The following KIRREL1 variants were observed in gnomAD, a reference collection of about 807,000 sequenced individuals.
KIRREL1 encodes the protein kirre like nephrin family adhesion molecule 1.
A neutral mutation model predicts 83.3 loss-of-function variants in KIRREL1; 25 were observed. That is an observed-to-expected ratio of 0.30 (90% CI 0.22 to 0.42). The LOEUF (loss-of-function observed/expected upper bound fraction) is 0.42, where lower values mean the gene tolerates loss of function less well. KIRREL1 is among the 10% of genes least tolerant of loss of function. The probability of loss-of-function intolerance (pLI) is 1.00; values close to 1 mark genes in which losing one functional copy is unlikely to be tolerated. For synonymous variants in KIRREL1, 388 were observed against 410.4 expected (o/e 0.95, Z 0.66); for missense variants, 812 against 1,032.3 (o/e 0.79, Z 2.92).
rs1401872752 is a variant in KIRREL1, at chr1:158,094,355, G to A, written c.1762G>A (p.Asp588Asn). ...DVDLKQDLRC[D>N]TIDTREEYEM... ...GGATCTGAAGCAGGACCTGCGCTGC[G>A]ACACCATCGACACCCGGGAGGAGTA... Residue 588 changes from aspartate to asparagine, a missense_variant, in exon 14 of 15, where the codon GAC becomes AAC. Physicochemically the swap from Asp to Asn is conservative, Grantham distance 23. Transcript: ENST00000359209. This position sits in a 1 kb window ranked among gnomAD's most constrained non-coding sequence, Gnocchi z 4.6. 2.4e-5 allele frequency: 38 copies of A among 1,612,302 alleles called. No homozygotes were observed. The highest frequency in any genetic ancestry group is 2.8e-5 in the Non-Finnish European group (33 of 1,179,530).
At chr1:158,062,430 C>T (rs1287321241) in intron 1 of KIRREL1, among the ~76,000 whole-genome samples, 2 of 152,196 alleles carry the variant, frequency 1.3e-5, no homozygotes, top group East Asian at 1.9e-4. Flanking sequence ...TAGAATGAAC[C>T]GAGTTAGATG....
chr1:158,088,532 T>C (rs1000823399), intron 8 of KIRREL1, 78 bp downstream of exon 8: 1 of 1,243,220 alleles, frequency 8.0e-7, no homozygotes, highest in Non-Finnish European at 1.1e-6. Context: ...TCGCCCAGGC[T>C]GGAGTGCAGT....
chr1:158,086,640 G>T lies in KIRREL1; in HGVS notation c.555G>T (p.Leu185=). The change falls in exon 5 of 15, where the codon CTG becomes CTT. Residue 185 remains leucine (L), a synonymous_variant. Coordinates refer to ENST00000359209, the MANE Select transcript of KIRREL1 (RefSeq NM_018240.7). The stretch of plus-strand genomic sequence containing the variant: ...AGAGGGAGACCACCGTGAGCCAACT[G>T]CTTATTAACCCCACGGACCTGGACA... The part of the protein sequence containing the change: ...DGKRETTVSQ[L]LINPTDLDIG... 1 of 1,552,024 alleles carries T rather than the reference G, an allele frequency of 6.4e-7. No individual in the cohort carries two copies. Among genetic ancestry groups the T allele is most frequent in the East Asian group, 2.4e-5 (1 of 40,902 alleles).
intron 1 of KIRREL1, among the ~76,000 whole-genome samples, chr1:158,028,755 C>G (rs193148949): frequency 2.3e-3 from 355 of 152,238 alleles, no homozygotes; most frequent in African/African-American, 8.3e-3. Context: ...TCACTACAGT[C>G]TTGTGAAGTA....
intron 1 of KIRREL1, among the ~76,000 whole-genome samples, chr1:158,072,429 C>T (rs1185120680): frequency 6.6e-6 from 1 of 152,216 alleles, no homozygotes. Context: ...ACAGTCCAGA[C>T]TCCTGGAGTT....
chr1:158,041,473 C>A (rs982290891), intron 1 of KIRREL1, among the ~76,000 whole-genome samples: 29 of 152,154 alleles, frequency 1.9e-4, no homozygotes, highest in African/African-American at 6.0e-4. Context: ...AGGAAGGGAT[C>A]CAGGCTCATA....
intron 1 of KIRREL1, among the ~76,000 whole-genome samples, chr1:158,010,621 G>C (rs1176662545): frequency 1.3e-5 from 2 of 152,154 alleles, no homozygotes; most frequent in African/African-American, 2.4e-5. Context: ...GCTGAATCTT[G>C]TGGGAACATA....
At chr1:158,039,494 C>T (rs1660568214) in intron 1 of KIRREL1, among the ~76,000 whole-genome samples, 1 of 152,132 alleles carries the variant, frequency 6.6e-6, no homozygotes, top group South Asian at 2.1e-4. Context: ...GCAGCAAAGG[C>T]TGAGCGGGAT....
At chr1:158,035,766 A>T (rs1660459664) in intron 1 of KIRREL1, among the ~76,000 whole-genome samples, 2 of 152,160 alleles carry the variant, frequency 1.3e-5, no homozygotes, top group South Asian at 2.1e-4. Flanking sequence ...TGCCCCTGCT[A>T]TGTGGAGACC....
At chr1:158,034,281 A>AG (rs750158585) in intron 1 of KIRREL1, among the ~76,000 whole-genome samples, 10 of 131,328 alleles carry the variant, frequency 7.6e-5, no homozygotes, top group Admixed American at 1.5e-4. Context: ...AAAAAAAAAA[A>AG]AAAAAGAAAA....
intron 1 of KIRREL1, among the ~76,000 whole-genome samples, chr1:157,997,394 T>G (rs912525360): frequency 6.6e-6 from 1 of 152,090 alleles, no homozygotes; most frequent in Non-Finnish European, 1.5e-5. Context: ...TATCTTGGCT[T>G]TGAGGTGAGA....
intron 2 of KIRREL1, among the ~76,000 whole-genome samples, chr1:158,077,030 T>C (rs1661698999): frequency 1.3e-5 from 2 of 152,226 alleles, no homozygotes; most frequent in South Asian, 4.1e-4. Context: ...CGGTCTGCCT[T>C]AGAAGTGCAT....
intron 1 of KIRREL1, among the ~76,000 whole-genome samples, chr1:158,005,384 C>G (rs1019585856): frequency 6.6e-6 from 1 of 151,952 alleles, no homozygotes; most frequent in Non-Finnish European, 1.5e-5. Flanking sequence ...TCCTTAGCCC[C>G]AAGATTGTCT....
chr1:158,075,418 C>T (rs1220717039), intron 1 of KIRREL1, among the ~76,000 whole-genome samples: 1 of 152,182 alleles, frequency 6.6e-6, no homozygotes, highest in Non-Finnish European at 1.5e-5. Context: ...CTTAGGCCCC[C>T]CTGCACTTGG....
In KIRREL1 at chr1:158,093,780, C is replaced by G; in HGVS notation, c.1719+18C>G. The G allele has an allele frequency of 1.2e-6, 2 of 1,613,552 alleles. No individual in the cohort carries two copies. Among genetic ancestry groups the G allele is most frequent in the Non-Finnish European group, 1.7e-6 (2 of 1,179,642 alleles). On this transcript the variant is annotated intron_variant, in intron 13 of 14. Coordinates refer to ENST00000359209, the MANE Select transcript of KIRREL1 (RefSeq NM_018240.7). ...TCTACTCGGTGAGGGTCCTGCTCCT[C>G]TCTGGCCTCCTGCCTTCTCCACCCT...
intron 13 of KIRREL1, 81 bp downstream of exon 13, chr1:158,093,843 G>A: frequency 2.6e-5 from 39 of 1,498,116 alleles, no homozygotes; most frequent in Non-Finnish European, 3.5e-5. Context: ...TAATAACCGC[G>A]GTCATTCTCT....
intron 1 of KIRREL1, among the ~76,000 whole-genome samples, chr1:158,005,270 G>C (rs1323533824): frequency 6.6e-6 from 1 of 152,198 alleles, no homozygotes; most frequent in Non-Finnish European, 1.5e-5. Flanking sequence ...CAGCTTAGTT[G>C]TATAACAGCC....
At chr1:158,062,599 C>T (rs982427868) in intron 1 of KIRREL1, among the ~76,000 whole-genome samples, 2 of 152,270 alleles carry the variant, frequency 1.3e-5, no homozygotes, top group Non-Finnish European at 2.9e-5. Context: ...GAAAGTGCCT[C>T]GTTCTCCCTT....
chr1:158,036,258 C>T (rs1034287702), intron 1 of KIRREL1, among the ~76,000 whole-genome samples: 3 of 152,028 alleles, frequency 2.0e-5, no homozygotes, highest in Non-Finnish European at 4.4e-5. Context: ...ATTACTGTTC[C>T]AGACTTATTT....
Sources: gnomAD v4.1 joint callset for allele counts (sites outside exome capture counted in the v4.1 genomes callset) on GRCh38, gnomAD v4.1.1 for gene constraint, Gnocchi (gnomAD v3.1) non-coding constraint, MANE v1.5 for transcripts, NCBI Gene and HGNC (gene_info 2026-07-23, HGNC 2026-07-21) for gene names.